Variants in EPB41L3 observed in about 807,000 individuals in gnomAD.
The protein encoded by EPB41L3 is band 4.1-like protein 3.
A neutral mutation model predicts 127.1 loss-of-function variants in EPB41L3; 57 were observed. The observed-to-expected ratio is 0.45, with a 90% CI of 0.36 to 0.56. The LOEUF is 0.56. Ranked by LOEUF, EPB41L3 falls within the 20% of genes least tolerant of loss-of-function variation. The pLI is 0.00. For synonymous variants in EPB41L3, 572 were observed against 549.5 expected (o/e 1.04, Z -0.57); for missense variants, 1,273 against 1,372.2 (o/e 0.93, Z 1.14).
chr18:5,592,821 A>G (rs1004987761), intron 3 of EPB41L3, among the ~76,000 whole-genome samples: 2 of 152,234 alleles, frequency 1.3e-5, no homozygotes, highest in Non-Finnish European at 2.9e-5. Flanking sequence ...GGGCCTGGAA[A>G]GTCAGATCTC....
chr18:5,591,023 G>C (rs995159259), intron 3 of EPB41L3, among the ~76,000 whole-genome samples: 2 of 151,966 alleles, frequency 1.3e-5, no homozygotes, highest in African/African-American at 2.4e-5. Flanking sequence ...CAGAAGTACA[G>C]ACATGAAGAT....
In EPB41L3 at chr18:5,541,541, T is replaced by C. The variant is rs1345166614; in HGVS notation, c.-12+2372A>G. Among the ~76,000 whole-genome samples the C allele has an allele frequency of 2.0e-5, 3 of 152,196 alleles. No homozygotes were observed. The South Asian group carries it at 6.2e-4, about 31-fold the overall frequency. On this transcript the variant is annotated intron_variant, in intron 1 of 22. Coordinates refer to ENST00000341928, the MANE Select transcript of EPB41L3 (RefSeq NM_012307.5). ...TAACAGCATCACATCTCTCAGTACA[T>C]GGATAGTTGCCTCTCTTCTACCTAG...
intron 10 of EPB41L3, among the ~76,000 whole-genome samples, chr18:5,423,847 A>G (rs2077794270): frequency 1.3e-5 from 2 of 152,218 alleles, no homozygotes; most frequent in Non-Finnish European, 2.9e-5. Context: ...AAATAGTTTG[A>G]TATTAGTGAA....
At chr18:5,399,064 T>C in intron 16 of EPB41L3, 1 of 399,134 alleles carries the variant, frequency 2.5e-6, no homozygotes, top group South Asian at 1.3e-4. Context: ...TTCTCCATTT[T>C]CTGAAGTGCT....
Position 5,494,661 on chromosome 18 carries a change from TC to T in EPB41L3, c.-11-5468del, listed in dbSNP as rs1411715577. Among the ~76,000 whole-genome samples the T allele has an allele frequency of 5.1e-4, 39 of 76,352 alleles. 1 individual carries two copies. The highest frequency in any genetic ancestry group is 6.1e-4 in the Non-Finnish European group (23 of 37,628). The allele number at this position is 76,352 out of a possible 152,430, so 50.1% of individuals were successfully genotyped here. ...GACAAGAGTGAAACTCCATCCACCC[TC>T]CCCCCACCCAAAAAAAAAAAGAAAC... On this transcript the variant is annotated intron_variant, in intron 1 of 22. Coordinates refer to ENST00000341928, the MANE Select transcript of EPB41L3 (RefSeq NM_012307.5).
chr18:5,556,640 T>C (rs1364503067), intron 3 of EPB41L3, among the ~76,000 whole-genome samples: 1 of 152,176 alleles, frequency 6.6e-6, no homozygotes, highest in African/African-American at 2.4e-5. Flanking sequence ...CGATCTGTGA[T>C]GGACTGAGGG....
chr18:5,410,717 T>G, intron 13 of EPB41L3, 98 bp from the exon 14 acceptor site: 1 of 897,052 alleles, frequency 1.1e-6, no homozygotes, highest in Non-Finnish European at 1.8e-6. Context: ...GACAGGTCAT[T>G]TTCTTTCTCT....
intron 1 of EPB41L3, among the ~76,000 whole-genome samples, chr18:5,505,382 C>G (rs1209338855): frequency 6.6e-6 from 1 of 152,106 alleles, no homozygotes; most frequent in Non-Finnish European, 1.5e-5. Flanking sequence ...TTCAGAATAT[C>G]TCCAGAATGT....
rs2094482966 is a variant in EPB41L3 at position 5,591,208 on chromosome 18, C to T, written c.-306+21132G>A. ...TTCATGGAATCTGCACACTTCAATG[C>T]CTCACTTTTCAAGCTTAAGAGAAAT... is the stretch of plus-strand genomic sequence containing the variant. On this transcript the variant is annotated intron_variant, in intron 3 of 21. Coordinates refer to the EPB41L3 transcript ENST00000545076. Among the ~76,000 whole-genome samples, 4 of 152,180 alleles carry T rather than the reference C, an allele frequency of 2.6e-5. No homozygotes were observed. The South Asian group carries it at 8.3e-4, about 32-fold the overall frequency.
At chr18:5,573,256 C>A (rs2094302346) in intron 3 of EPB41L3, among the ~76,000 whole-genome samples, 1 of 152,214 alleles carries the variant, frequency 6.6e-6, no homozygotes, top group Non-Finnish European at 1.5e-5. Flanking sequence ...TTGGCCCACA[C>A]ACAGACGCAA....
chr18:5,454,311 C>T (rs535294221), intron 3 of EPB41L3, among the ~76,000 whole-genome samples: 2 of 151,338 alleles, frequency 1.3e-5, no homozygotes, highest in East Asian at 3.9e-4. Context: ...CAACAGAGTC[C>T]ATAAAGCCTT....
upstream of EPB41L3, chr18:5,544,050 C>G: frequency 1.0e-6 from 1 of 985,560 alleles, no homozygotes; most frequent in Non-Finnish European, 1.2e-6. Context: ...TTCCCCCCGC[C>G]CCCTGTTGCA....
chr18:5,482,852 G>A (rs2088851804), intron 2 of EPB41L3, among the ~76,000 whole-genome samples: 1 of 152,104 alleles, frequency 6.6e-6, no homozygotes, highest in South Asian at 2.1e-4. Context: ...TAAAAGAAAT[G>A]CTAAAGAGAG....
intron 13 of EPB41L3, among the ~76,000 whole-genome samples, chr18:5,411,149 G>A (rs955719274): frequency 4.6e-5 from 7 of 152,124 alleles, no homozygotes; most frequent in African/African-American, 1.7e-4. Context: ...CAGGCTGTCT[G>A]CATTACCTGT....
At chr18:5,608,481 A>AT (rs990226353) in intron 3 of EPB41L3, among the ~76,000 whole-genome samples, 1 of 152,168 alleles carries the variant, frequency 6.6e-6, no homozygotes, top group Non-Finnish European at 1.5e-5. Flanking sequence ...GGAGAAAATA[A>AT]TTGAGTAAAA....
At chr18:5,529,928 A>ATGTGTGTGTGTGTGTGTGTG (rs10611279) in intron 1 of EPB41L3, among the ~76,000 whole-genome samples, 97 of 146,880 alleles carry the variant, frequency 6.6e-4, no homozygotes, top group African/African-American at 2.3e-3. Context: ...CAACTCATAT[A>ATGTGTGTGTGTGTGTGTGTG]TGTGTGTGTG....
At chr18:5,622,163 G>C (rs1310187521) in intron 1 of EPB41L3, among the ~76,000 whole-genome samples, 1 of 151,994 alleles carries the variant, frequency 6.6e-6, no homozygotes, top group Non-Finnish European at 1.5e-5. Flanking sequence ...AACACAGTCA[G>C]GGCCAAGAAG....
intron 3 of EPB41L3, among the ~76,000 whole-genome samples, chr18:5,574,464 T>G (rs2094317392): frequency 6.6e-6 from 1 of 151,878 alleles, no homozygotes; most frequent in Non-Finnish European, 1.5e-5. Flanking sequence ...ATTTTTCTAT[T>G]TTAGTAGAAT....
At position 5,552,538 on chromosome 18, in the gene EPB41L3, T is replaced by C. The variant is rs141264916; in HGVS notation, c.-306+59802A>G. Among the ~76,000 whole-genome samples, 199 of 152,302 alleles carry C rather than the reference T, an allele frequency of 1.3e-3. 1 individual carries two copies. The highest frequency in any genetic ancestry group is 4.6e-3 in the African/African-American group (192 of 41,572). On this transcript the variant is annotated intron_variant, in intron 3 of 21. Coordinates refer to the EPB41L3 transcript ENST00000545076. ...TTAGAGGAGCCAGTAGGAAATTGTG[T>C]CTAAGTGACTATAACCTGACGTTTT...
Sources: gnomAD v4.1 joint callset for allele counts (sites outside exome capture counted in the v4.1 genomes callset) on GRCh38, gnomAD v4.1.1 for gene constraint, MANE v1.5 for transcripts, NCBI Gene and HGNC (gene_info 2026-07-23, HGNC 2026-07-21) for gene names.